The following CMC1 variants were observed in gnomAD, a reference collection of about 807,000 sequenced individuals.
The protein encoded by CMC1 is C-X9-C motif containing 1.
A neutral mutation model predicts 14.1 loss-of-function variants in CMC1; 14 were observed. The ratio of observed to expected loss-of-function variants is 0.99; its 90% CI spans 0.66 to 1.55. CMC1 has a LOEUF of 1.55. Among genes scored for constraint, CMC1 ranks in the 40% most tolerant of loss-of-function variants. CMC1 has a pLI of 0.00. For synonymous variants in CMC1, 50 were observed against 38.4 expected, an observed-to-expected ratio of 1.30 and a Z score of -1.12; for missense variants, 127 against 123.8, an observed-to-expected ratio of 1.03 and a Z score of -0.12.
At chr3:28,295,496 G>A (rs1427538945) in intron 2 of CMC1, among the ~76,000 whole-genome samples, 1 of 151,860 alleles carries the variant, frequency 6.6e-6, no homozygotes, top group Non-Finnish European at 1.5e-5. Flanking sequence ...CTCCTTAGAG[G>A]GGCCTACCTG....
chr3:28,321,173 T>C lies in CMC1; in HGVS notation c.*1544T>C, dbSNP rs895971223. ...AGAGCAGACAAAAGCAAAGCAAATA[T>C]AGAAATCTAGAGACCACACAGCATA... On this transcript the variant is annotated 3_prime_UTR_variant, in exon 4 of 4. Transcript: ENST00000466830. The C allele has an allele frequency of 3.3e-5, 5 of 151,390 alleles. No individual in the cohort carries two copies. The highest frequency in any genetic ancestry group is 5.9e-5 in the Non-Finnish European group (4 of 67,572). 9.4% of individuals were successfully genotyped at this position (151,390 alleles called of 1,614,324 possible).
intron 3 of CMC1, chr3:28,317,848 TTTG>T (rs1464639511): frequency 6.6e-6 from 1 of 152,012 alleles, no homozygotes; most frequent in Non-Finnish European, 1.5e-5. Flanking sequence ...TTGATTAGTA[TTTG>T]TTATTATTTA....
intron 1 of CMC1, among the ~76,000 whole-genome samples, chr3:28,250,636 C>T (rs1699083860): frequency 1.3e-5 from 2 of 152,046 alleles, no homozygotes; most frequent in African/African-American, 4.8e-5. Flanking sequence ...GTAACATAAC[C>T]ACTAGGTTGG....
chr3:28,281,766 G>C (rs865945827), intron 2 of CMC1, among the ~76,000 whole-genome samples: 1 of 152,186 alleles, frequency 6.6e-6, no homozygotes, highest in Non-Finnish European at 1.5e-5. Flanking sequence ...ACTTAATGAA[G>C]TATGTGGGTT....
chr3:28,298,070 C>A (rs1004831388), intron 2 of CMC1: 4 of 151,970 alleles, frequency 2.6e-5, no homozygotes, highest in African/African-American at 9.6e-5. Context: ...TTGTGTTTAA[C>A]ATGCAAATGG....
intron 1 of CMC1, among the ~76,000 whole-genome samples, chr3:28,251,450 C>T (rs1699120364): frequency 6.6e-6 from 1 of 152,136 alleles, no homozygotes; most frequent in Non-Finnish European, 1.5e-5. Context: ...TTAGGGACCA[C>T]CTCCTTACAC....
At chr3:28,267,108 A>G (rs1234975670) in intron 2 of CMC1, among the ~76,000 whole-genome samples, 1 of 152,158 alleles carries the variant, frequency 6.6e-6, no homozygotes, top group East Asian at 1.9e-4. Context: ...CTGGATTTCA[A>G]CTTTTGTCTT....
Position 28,263,348 on chromosome 3 carries a change from AG to A in CMC1, c.79del (p.Ala27ProfsTer24), listed in dbSNP as rs1180254215. 1.2e-6 allele frequency: 2 copies of A among 1,608,572 alleles called. No individual in the cohort carries two copies. Among genetic ancestry groups the A allele is most frequent in the Admixed American group, 3.4e-5 (2 of 59,290 alleles). ...TTGATCCCTAAAATAATGAGAGAAA[AG>A]GCCAAAGAGAGGTGTTCTGAACAAG... The part of the protein sequence containing the change: ...DVLIPKIMRE[K>X]AKERCSEQVQ... On this transcript the variant is annotated frameshift_variant, in exon 2 of 4. Transcript: ENST00000466830. LOFTEE classifies it high-confidence loss of function.
chr3:28,287,219 T>G (rs568701151), intron 2 of CMC1, among the ~76,000 whole-genome samples: 3 of 152,206 alleles, frequency 2.0e-5, no homozygotes, highest in Admixed American at 6.5e-5. Context: ...CTCTACGTTT[T>G]ATGAGATGTG....
intron 2 of CMC1, among the ~76,000 whole-genome samples, chr3:28,302,043 A>G (rs966544971): frequency 6.6e-6 from 1 of 152,178 alleles, no homozygotes; most frequent in Non-Finnish European, 1.5e-5. Flanking sequence ...AAAGGCCTTC[A>G]CACTCTAACC....
chr3:28,302,037 G>C (rs1702078367), intron 2 of CMC1, among the ~76,000 whole-genome samples: 1 of 152,092 alleles, frequency 6.6e-6, no homozygotes, highest in Non-Finnish European at 1.5e-5. Flanking sequence ...ACCTCTAAAG[G>C]CCTTCACACT....
At chr3:28,297,895 C>T (rs1043343291) in intron 2 of CMC1, among the ~76,000 whole-genome samples, 1 of 151,752 alleles carries the variant, frequency 6.6e-6, no homozygotes, top group Non-Finnish European at 1.5e-5. Context: ...TATACACACA[C>T]ATTATGTATT....
At chr3:28,316,474 AGAGTAT>A (rs763620981) in intron 3 of CMC1, 51 bp downstream of exon 3, 1 of 1,019,630 alleles carries the variant, frequency 9.8e-7, no homozygotes, top group African/African-American at 1.6e-5. Flanking sequence ...GTGGTAGATA[AGAGTAT>A]GTTACTTAAC....
chr3:28,272,867 A>T (rs1486000333), intron 2 of CMC1, among the ~76,000 whole-genome samples: 3 of 151,724 alleles, frequency 2.0e-5, no homozygotes, highest in Non-Finnish European at 4.4e-5. Context: ...TTGTGTTTTT[A>T]GTAGAGATGG....
At position 28,263,306 on chromosome 3, in the gene CMC1, A is replaced by T. The variant is rs374168927; in HGVS notation, c.35A>T (p.His12Leu). ...ALDPADQHLRHVEKDVLIPKI... is the reference protein window; with the variant it reads ...ALDPADQHLRLVEKDVLIPKI... ...TTTTTTTCAGACCAGCATCTCAGAC[A>T]TGTCGAAAAAGATGTTTTGATCCCT... Residue 12 changes from histidine (H) to leucine (L), a missense_variant, in exon 2 of 4, where the codon CAT becomes CTT. Transcript: ENST00000466830. The T allele has an allele frequency of 1.2e-6, 2 of 1,606,092 alleles. No homozygotes were observed. The highest frequency in any genetic ancestry group is 1.7e-5 in the Admixed American group (1 of 58,988).
At chr3:28,278,740 G>A (rs1385970113) in intron 2 of CMC1, among the ~76,000 whole-genome samples, 1 of 152,080 alleles carries the variant, frequency 6.6e-6, no homozygotes, top group Non-Finnish European at 1.5e-5. Flanking sequence ...TTACCTATTC[G>A]GTATCAACTG....
At chr3:28,271,076 A>G (rs963404968) in intron 2 of CMC1, among the ~76,000 whole-genome samples, 3 of 151,804 alleles carry the variant, frequency 2.0e-5, no homozygotes, top group Non-Finnish European at 2.9e-5. Flanking sequence ...GATTACAGGC[A>G]TGTGCCACCA....
intron 2 of CMC1, among the ~76,000 whole-genome samples, chr3:28,273,421 T>A (rs1046867091): frequency 6.6e-6 from 1 of 152,236 alleles, no homozygotes; most frequent in African/African-American, 2.4e-5. Flanking sequence ...TAAGTGGTTT[T>A]CTTAATCTTG....
chr3:28,285,868 G>A (rs1295792329), intron 2 of CMC1, among the ~76,000 whole-genome samples: 3 of 151,508 alleles, frequency 2.0e-5, no homozygotes, highest in Non-Finnish European at 2.9e-5. Flanking sequence ...CTGGGTTCAC[G>A]CCATTCTCCT....
Sources: gnomAD v4.1 joint callset for allele counts (sites outside exome capture counted in the v4.1 genomes callset) on GRCh38, gnomAD v4.1.1 for gene constraint, MANE v1.5 for transcripts, NCBI Gene and HGNC (gene_info 2026-07-23, HGNC 2026-07-21) for gene names.